Variants in GRHL2 observed in about 807,000 individuals in gnomAD.
GRHL2 encodes the protein grainyhead like transcription factor 2.
In GRHL2, 21 loss-of-function variants were observed where a neutral mutation model predicts 83.8. The observed-to-expected ratio is 0.25, with a 90% CI of 0.18 to 0.36. The LOEUF (loss-of-function observed/expected upper bound fraction) is 0.36, where lower values mean the gene tolerates loss of function less well. GRHL2 is among the 10% of genes least tolerant of loss of function. The pLI, the probability that GRHL2 is intolerant of heterozygous loss-of-function variation, is 1.00. For synonymous variants in GRHL2, 280 were observed against 278.9 expected (o/e 1.00, Z -0.04); for missense variants, 623 against 781.8 (o/e 0.80, Z 2.42).
At chr8:101,499,737 ACT>A (rs1810184235) in intron 1 of GRHL2, among the ~76,000 whole-genome samples, 1 of 151,982 alleles carries the variant, frequency 6.6e-6, no homozygotes, top group Admixed American at 6.6e-5. Context: ...GGGTACTGAT[ACT>A]CTCTTCCTTT....
chr8:101,539,905 C>A (rs1811118082), intron 1 of GRHL2, among the ~76,000 whole-genome samples: 1 of 152,146 alleles, frequency 6.6e-6, no homozygotes, highest in Non-Finnish European at 1.5e-5. Context: ...ACACGCATGG[C>A]CCTGTGATAG....
At chr8:101,635,132 A>T (rs117932823) in intron 11 of GRHL2, among the ~76,000 whole-genome samples, 1 of 152,196 alleles carries the variant, frequency 6.6e-6, no homozygotes, top group Non-Finnish European at 1.5e-5. Context: ...TTGTAAAAAA[A>T]CTTTTCCCAC....
chr8:101,518,421 A>T (rs115105140), intron 1 of GRHL2, among the ~76,000 whole-genome samples: 522 of 152,244 alleles, frequency 3.4e-3, no homozygotes, highest in African/African-American at 0.012. Flanking sequence ...CAAAGAAAGG[A>T]AAAAATAAAT....
At chr8:101,660,458 T>G (rs1813897120) in intron 14 of GRHL2, among the ~76,000 whole-genome samples, 1 of 152,152 alleles carries the variant, frequency 6.6e-6, no homozygotes, top group African/African-American at 2.4e-5. Flanking sequence ...TAGCTGGGCT[T>G]CTTTCTTTAT....
At chr8:101,496,292 C>T (rs1433972792) in intron 1 of GRHL2, among the ~76,000 whole-genome samples, 1 of 152,024 alleles carries the variant, frequency 6.6e-6, no homozygotes, top group African/African-American at 2.4e-5. Flanking sequence ...TTATAGGTCT[C>T]TCATGTGGAT....
intron 1 of GRHL2, among the ~76,000 whole-genome samples, chr8:101,533,888 C>A (rs1810988757): frequency 2.0e-5 from 3 of 152,102 alleles, no homozygotes; most frequent in African/African-American, 7.2e-5. Flanking sequence ...GGAGAATAGA[C>A]TGTAGAAGTA....
chr8:101,549,223 C>T lies in GRHL2; in HGVS notation c.217-3492C>T, dbSNP rs199612567. Among the ~76,000 whole-genome samples the T allele has an allele frequency of 2.0e-4, 30 of 152,126 alleles. No homozygotes were observed. The East Asian group carries it at 5.2e-3, about 26-fold the overall frequency. On this transcript the variant is annotated intron_variant, in intron 2 of 15. Transcript: ENST00000646743. ...TTATGAGAAGGAGCATATGCATGGT[C>T]GTAGATATAGTTGGCCCAAGTGTGA...
intron 9 of GRHL2, among the ~76,000 whole-genome samples, chr8:101,625,531 A>G: frequency 6.6e-6 from 1 of 152,058 alleles, no homozygotes; most frequent in East Asian, 1.9e-4. Flanking sequence ...AAATTATAAA[A>G]GGGAGAGGGC....
At chr8:101,514,965 C>G (rs1287306194) in intron 1 of GRHL2, among the ~76,000 whole-genome samples, 1 of 150,376 alleles carries the variant, frequency 6.6e-6, no homozygotes, top group Admixed American at 6.7e-5. Flanking sequence ...TCCTTTCTTT[C>G]CCTTCCTTTT....
downstream of GRHL2, among the ~76,000 whole-genome samples, chr8:101,672,343 G>A (rs1244047733): frequency 6.6e-6 from 1 of 151,678 alleles, no homozygotes; most frequent in African/African-American, 2.4e-5. Flanking sequence ...AATAACCAAT[G>A]CAGAGAAGTC....
At chr8:101,642,826 A>C (rs1813429113) in intron 12 of GRHL2, among the ~76,000 whole-genome samples, 1 of 152,152 alleles carries the variant, frequency 6.6e-6, no homozygotes, top group African/African-American at 2.4e-5. Flanking sequence ...AGCCTGTTTC[A>C]CATATTAGTT....
intron 5 of GRHL2, among the ~76,000 whole-genome samples, chr8:101,572,125 T>C (rs955861796): frequency 2.6e-5 from 4 of 152,236 alleles, no homozygotes; most frequent in African/African-American, 7.2e-5. Flanking sequence ...TAAGTGCCTT[T>C]ATCTGGGAAG....
chr8:101,530,172 C>T (rs1178223674), intron 1 of GRHL2, among the ~76,000 whole-genome samples: 1 of 152,182 alleles, frequency 6.6e-6, no homozygotes, highest in Non-Finnish European at 1.5e-5. Flanking sequence ...ATTAACCCCT[C>T]CTGCACCAAA....
At chr8:101,625,751 G>GT (rs1369869626) in intron 9 of GRHL2, among the ~76,000 whole-genome samples, 1 of 151,994 alleles carries the variant, frequency 6.6e-6, no homozygotes, top group African/African-American at 2.4e-5. Context: ...CCTATTTTAC[G>GT]TATCGGTCAG....
At chr8:101,623,441 T>C (rs1203797671) in intron 9 of GRHL2, among the ~76,000 whole-genome samples, 3 of 148,962 alleles carry the variant, frequency 2.0e-5, no homozygotes, top group African/African-American at 7.7e-5. Context: ...AGTAGGACAG[T>C]ACACAGTAGG....
At chr8:101,544,649 T>C (rs1394758035) in intron 2 of GRHL2, among the ~76,000 whole-genome samples, 1 of 152,218 alleles carries the variant, frequency 6.6e-6, no homozygotes, top group Non-Finnish European at 1.5e-5. Flanking sequence ...TGTGTTTATT[T>C]TGCTGGTTGG....
At position 101,667,036 on chromosome 8, in the gene GRHL2, G is replaced by T. The variant is rs531457444; in HGVS notation, c.*333G>T. 183 of 419,422 alleles carry T rather than the reference G, an allele frequency of 4.4e-4. No homozygotes were observed. The highest frequency in any genetic ancestry group is 7.2e-4 in the Non-Finnish European group (162 of 225,026). The allele number at this position is 419,422 out of a possible 1,614,324, so 26.0% of individuals were successfully genotyped here. A position where few individuals can be genotyped will look rare whatever the true frequency, so the allele number is the denominator to read the frequency against. On this transcript the variant is annotated 3_prime_UTR_variant, in exon 16 of 16. Transcript: ENST00000646743. ...CTAGCTCCAGATGAGACCGTCCAGC[G>T]TTCCCCCTTCAAGAGAAACACTCAT...
intron 1 of GRHL2, among the ~76,000 whole-genome samples, chr8:101,510,993 C>G (rs999336892): frequency 2.0e-5 from 3 of 152,092 alleles, no homozygotes; most frequent in African/African-American, 7.2e-5. Context: ...CCCAGCCACT[C>G]AGGAGGCTGA....
rs549686882 is a variant in GRHL2, at chr8:101,656,830, GTGTC to G, written c.1698+7339_1698+7342del. On this transcript the variant is annotated intron_variant, in intron 14 of 15. Transcript: ENST00000646743. Reference sequence around the variant, plus strand: ...TAATATATACTGGGTGTGTGTTCATGTGTCTGTCTGTGTGTCTGTTAGTGTATTT... The same window carrying G: ...TAATATATACTGGGTGTGTGTTCATGTGTCTGTGTGTCTGTTAGTGTATTT... Among the ~76,000 whole-genome samples the G allele has an allele frequency of 3.5e-3, 521 of 150,874 alleles. 3 individuals are homozygous for G. The highest frequency in any genetic ancestry group is 0.011 in the African/African-American group (448 of 40,582).
Sources: gnomAD v4.1 joint callset for allele counts (sites outside exome capture counted in the v4.1 genomes callset) on GRCh38, gnomAD v4.1.1 for gene constraint, MANE v1.5 for transcripts, NCBI Gene and HGNC (gene_info 2026-07-23, HGNC 2026-07-21) for gene names.